Variants in LINGO1 observed in about 807,000 individuals in gnomAD.
LINGO1 encodes the protein leucine-rich repeat and immunoglobulin-like domain-containing nogo receptor-interacting protein 1.
A neutral mutation model predicts 37.3 loss-of-function variants in LINGO1; 11 were observed. The ratio of observed to expected loss-of-function variants is 0.29; its 90% CI spans 0.19 to 0.49. The LOEUF (loss-of-function observed/expected upper bound fraction) is 0.49, where lower values mean the gene tolerates loss of function less well. LINGO1 is among the 20% of genes least tolerant of loss of function. LINGO1 has a pLI of 0.99. For synonymous variants in LINGO1, 387 were observed against 403.0 expected (o/e 0.96, Z 0.48); for missense variants, 585 against 878.2 (o/e 0.67, Z 4.22).
intron 1 of LINGO1, among the ~76,000 whole-genome samples, chr15:77,738,747 T>G (rs1052341721): frequency 1.2e-4 from 13 of 110,894 alleles, no homozygotes; most frequent in Non-Finnish European, 1.7e-4. Flanking sequence ...ACATATTTGC[T>G]GAAGGAAGGA....
upstream of LINGO1, among the ~76,000 whole-genome samples, chr15:77,699,390 T>A (rs2075740135): frequency 7.1e-6 from 1 of 141,408 alleles, no homozygotes. Context: ...AATAAGCACA[T>A]ACTAACCATC....
At chr15:77,729,078 T>C (rs1195266547) in intron 2 of LINGO1, among the ~76,000 whole-genome samples, 1 of 152,228 alleles carries the variant, frequency 6.6e-6, no homozygotes, top group Non-Finnish European at 1.5e-5. Context: ...GCAAGGCTTA[T>C]GGCACCCACA....
intron 1 of LINGO1, among the ~76,000 whole-genome samples, chr15:77,806,549 G>A (rs2076961333): frequency 1.3e-5 from 2 of 152,122 alleles, no homozygotes; most frequent in Non-Finnish European, 2.9e-5. Context: ...CACCCCAGGG[G>A]ACTGTTTTCA....
intron 2 of LINGO1, among the ~76,000 whole-genome samples, chr15:77,734,681 G>A (rs2076186116): frequency 6.6e-6 from 1 of 151,918 alleles, no homozygotes; most frequent in African/African-American, 2.4e-5. Context: ...GCTGGTGCCT[G>A]GGTCAGGCAC....
At chr15:77,616,253 G>C (rs1382163071) in intron 1 of LINGO1, among the ~76,000 whole-genome samples, 1 of 152,178 alleles carries the variant, frequency 6.6e-6, no homozygotes, top group Non-Finnish European at 1.5e-5. Context: ...CAGCTCCCCT[G>C]GTGCTCATCA....
intron 2 of LINGO1, among the ~76,000 whole-genome samples, chr15:77,684,751 C>T (rs1360278634): frequency 1.3e-5 from 2 of 152,150 alleles, no homozygotes; most frequent in African/African-American, 4.8e-5. Flanking sequence ...AGATGCAGTC[C>T]CTCCCCAGGC....
intron 1 of LINGO1, among the ~76,000 whole-genome samples, chr15:77,805,918 C>T (rs1385350116): frequency 1.3e-5 from 2 of 152,194 alleles, no homozygotes; most frequent in African/African-American, 4.8e-5. Context: ...TGATGGTCTT[C>T]CATGTACCCC....
At chr15:77,667,742 T>C (rs1157774451) in intron 3 of LINGO1, 1 of 152,184 alleles carries the variant, frequency 6.6e-6, no homozygotes, top group Non-Finnish European at 1.5e-5. Context: ...GACGTCAATA[T>C]TATTGCCTCC....
chr15:77,699,772 C>CACCTGCACACAGCACAT, upstream of LINGO1, among the ~76,000 whole-genome samples: 1 of 150,346 alleles, frequency 6.7e-6, no homozygotes, highest in East Asian at 2.0e-4. Context: ...TACTAACCAT[C>CACCTGCACACAGCACAT]ATTCCCCCCC....
chr15:77,664,163 G>GTGTGTGTGTT (rs2075064821), intron 3 of LINGO1, among the ~76,000 whole-genome samples: 2 of 140,138 alleles, frequency 1.4e-5, no homozygotes, highest in Admixed American at 1.4e-4. Context: ...GTGTGTGTGT[G>GTGTGTGTGTT]TGTGTGTGCG....
At position 77,776,506 on chromosome 15, in the gene LINGO1, C is replaced by G. The variant is rs1382431477; in HGVS notation, c.-257+10363G>C. ...GCAGGAAAGCAGGAAGGCAGGAAGG[C>G]AGGAAGGCAGGAAGGGAGGAAGGGA... On this transcript the variant is annotated intron_variant, in intron 1 of 3. Transcript: ENST00000561686. Among the ~76,000 whole-genome samples the G allele has an allele frequency of 9.4e-3, 568 of 60,592 alleles. 1 individual carries two copies. The highest frequency in any genetic ancestry group is 0.037 in the African/African-American group (503 of 13,600). The allele number at this position is 60,592 out of a possible 152,430, so 39.8% of individuals were successfully genotyped here.
rs2073678956 is a variant in LINGO1, at chr15:77,615,570, C to T, written c.337G>A (p.Gly113Ser). 6.2e-7 allele frequency: 1 copy of T among 1,611,702 alleles called. No individual in the cohort carries two copies. The highest frequency in any genetic ancestry group is 2.2e-5 in the East Asian group (1 of 44,766). The change falls in exon 2 of 2, where the codon GGC becomes AGC. Residue 113 changes from glycine to serine, a missense_variant. Coordinates refer to ENST00000355300, the MANE Select transcript of LINGO1 (RefSeq NM_032808.7). ...AGGTTGAAGAGGTTGTTGAAGGCGCCGGGCTCCACGGCGCTCACGATGTTC... is the reference window on the plus strand; with the variant it reads ...AGGTTGAAGAGGTTGTTGAAGGCGCTGGGCTCCACGGCGCTCACGATGTTC... ...NENIVSAVEPGAFNNLFNLRT... is the reference protein window; with the variant it reads ...NENIVSAVEPSAFNNLFNLRT...
intron 1 of LINGO1, among the ~76,000 whole-genome samples, chr15:77,693,450 C>T (rs553920887): frequency 2.6e-5 from 4 of 152,256 alleles, no homozygotes; most frequent in South Asian, 2.1e-4. Context: ...CTTTCTGAAG[C>T]GGCCATATTG....
intron 2 of LINGO1, among the ~76,000 whole-genome samples, chr15:77,705,920 C>A (rs547982620): frequency 6.6e-6 from 1 of 152,278 alleles, no homozygotes; most frequent in South Asian, 2.1e-4. Context: ...TGGGGCAAAG[C>A]ACTGCTCTTC....
chr15:77,629,306 A>G (rs1426017016), intron 1 of LINGO1, among the ~76,000 whole-genome samples: 1 of 152,172 alleles, frequency 6.6e-6, no homozygotes, highest in African/African-American at 2.4e-5. Context: ...TCGTTCATTC[A>G]TTCATTCATT....
chr15:77,777,342 TACAC>T (rs372625740), intron 1 of LINGO1, among the ~76,000 whole-genome samples: 4 of 147,658 alleles, frequency 2.7e-5, no homozygotes, highest in African/African-American at 7.5e-5. Context: ...GCCCCTCCCA[TACAC>T]ACACACACAC....
chr15:77,679,842 A>G (rs2075385096), intron 2 of LINGO1, among the ~76,000 whole-genome samples: 1 of 152,128 alleles, frequency 6.6e-6, no homozygotes, highest in Non-Finnish European at 1.5e-5. Flanking sequence ...GATATTACAT[A>G]GCCCATAGCA....
intron 3 of LINGO1, among the ~76,000 whole-genome samples, chr15:77,675,691 T>C (rs968947317): frequency 3.9e-5 from 6 of 152,140 alleles, no homozygotes; most frequent in South Asian, 2.1e-4. Flanking sequence ...GATAGATGGA[T>C]AGACGGATGA....
In LINGO1 at chr15:77,749,879, C is replaced by T. The variant is rs185608841; in HGVS notation, c.-256-14826G>A. On this transcript the variant is annotated intron_variant, in intron 1 of 3. Transcript: ENST00000561686. ...GGTAAGAGGAAGTAGGGTGCGGAAC[C>T]GGACTTTCTGGACAAGCTGCCATGG... Among the ~76,000 whole-genome samples the T allele has an allele frequency of 7.9e-5, 12 of 152,224 alleles. No homozygotes were observed. In the East Asian group the frequency reaches 2.3e-3, roughly 29 times the overall value.
Sources: allele counts gnomAD v4.1 joint callset (sites outside exome capture counted in the v4.1 genomes callset), GRCh38; gene constraint gnomAD v4.1.1; transcripts MANE v1.5; gene names NCBI Gene and HGNC (gene_info 2026-07-23, HGNC 2026-07-21).